FBXL2: variants seen among roughly 807,000 people sequenced by gnomAD.
FBXL2 encodes F-box/LRR-repeat protein 2.
A neutral mutation model predicts 69.2 loss-of-function variants in FBXL2; 38 were observed. The ratio of observed to expected loss-of-function variants is 0.55; its 90% CI spans 0.42 to 0.72. FBXL2 has a LOEUF of 0.72. FBXL2 is among the 30% of genes least tolerant of loss of function. FBXL2 has a pLI of 0.00. For missense variants in FBXL2, 354 were observed against 520.3 expected, an observed-to-expected ratio of 0.68 and a Z score of 3.11; for synonymous variants, 192 against 201.3, an observed-to-expected ratio of 0.95 and a Z score of 0.39.
chr3:33,378,715 A>G lies in FBXL2; in HGVS notation c.925A>G (p.Ile309Val), dbSNP rs111355182. 6.2e-7 allele frequency: 1 copy of G among 1,614,042 alleles called. No homozygotes were observed. The highest frequency in any genetic ancestry group is 8.5e-7 in the Non-Finnish European group (1 of 1,179,974). ...CGACAGCACACTCATCCAGCTCTCC[A>G]TTCACTGTCCTAAACTGCAAGCCCT... Reference protein sequence around the residue: ...ITDSTLIQLSIHCPKLQALSL... With the variant: ...ITDSTLIQLSVHCPKLQALSL... Residue 309 changes from isoleucine (I) to valine (V), a missense_variant, in exon 13 of 15, where the codon ATT becomes GTT. Transcript: ENST00000484457.
At chr3:33,303,008 A>T (rs1000326269) in intron 2 of FBXL2, 1 of 455,766 alleles carries the variant, frequency 2.2e-6, no homozygotes, top group South Asian at 1.6e-5. Context: ...CAAGCAGTAC[A>T]GTAAAGGGCT....
At chr3:33,353,139 G>A (rs916566035) in intron 2 of FBXL2, among the ~76,000 whole-genome samples, 6 of 152,118 alleles carry the variant, frequency 3.9e-5, no homozygotes, top group Admixed American at 6.5e-5. Flanking sequence ...CAAAATGGTG[G>A]TAAGATGCAG....
intron 1 of FBXL2, among the ~76,000 whole-genome samples, chr3:33,282,803 G>T (rs542220912): frequency 6.2e-4 from 94 of 152,192 alleles, no homozygotes; most frequent in African/African-American, 1.2e-3. Flanking sequence ...TATTCTCTTT[G>T]AAACAATTGT....
At chr3:33,389,389 CAAT>C (rs1239956588), downstream of FBXL2, 1 of 134,906 alleles carries the variant, frequency 7.4e-6, no homozygotes, top group African/African-American at 2.8e-5. Flanking sequence ...AAGCTATCAA[CAAT>C]AATACTTTCT....
chr3:33,346,025 G>A (rs1255457677), intron 2 of FBXL2, among the ~76,000 whole-genome samples: 3 of 152,056 alleles, frequency 2.0e-5, no homozygotes, highest in African/African-American at 7.2e-5. Context: ...TCAGGAGTTT[G>A]AGACCAGCCT....
At chr3:33,317,699 C>G in intron 2 of FBXL2, 1 of 329,396 alleles carries the variant, frequency 3.0e-6, no homozygotes, top group Non-Finnish European at 6.0e-6. Flanking sequence ...ACTTTTAACT[C>G]CAGCCTCAGA....
intron 1 of FBXL2, among the ~76,000 whole-genome samples, chr3:33,294,170 C>T (rs1028872494): frequency 6.6e-6 from 1 of 152,132 alleles, no homozygotes; most frequent in Non-Finnish European, 1.5e-5. Flanking sequence ...GGTCATAGCT[C>T]ACTGTGGGCT....
chr3:33,277,559 C>G (rs2033412224), intron 1 of FBXL2, 44 bp downstream of exon 1: 1 of 1,264,406 alleles, frequency 7.9e-7, no homozygotes, highest in Non-Finnish European at 1.0e-6. Context: ...CGCCCTACCC[C>G]TACCGGGCTG....
Position 33,373,598 on chromosome 3 carries a change from A to C in FBXL2, c.476A>C (p.Glu159Ala). Residue 159 changes from glutamate (E) to alanine (A), a missense_variant, in exon 8 of 15, where the codon GAG becomes GCG. Coordinates refer to ENST00000484457, the MANE Select transcript of FBXL2 (RefSeq NM_012157.5). ...KGISEGCRNL[E>A]YLNLSWCDQI... is the part of the protein sequence containing the mutation. Reference sequence around the variant, plus strand: ...CTCAGTGAGGGCTGCCGAAACCTGGAGTACCTGAACCTCTCTTGGTGTGAT... The same window carrying C: ...CTCAGTGAGGGCTGCCGAAACCTGGCGTACCTGAACCTCTCTTGGTGTGAT... 1 of 1,614,178 alleles carries C rather than the reference A, an allele frequency of 6.2e-7. No homozygotes were observed. Among genetic ancestry groups the C allele is most frequent in the Non-Finnish European group, 8.5e-7 (1 of 1,180,032 alleles).
intron 2 of FBXL2, among the ~76,000 whole-genome samples, chr3:33,334,277 A>T (rs1212113553): frequency 6.6e-6 from 1 of 152,226 alleles, no homozygotes; most frequent in Non-Finnish European, 1.5e-5. Flanking sequence ...AACATCTGTG[A>T]CAAATATGTT....
chr3:33,350,110 A>G (rs141164612), intron 2 of FBXL2, among the ~76,000 whole-genome samples: 3 of 152,328 alleles, frequency 2.0e-5, no homozygotes, highest in Non-Finnish European at 4.4e-5. Context: ...CTCAAGACCA[A>G]CATTTTTCAT....
At chr3:33,409,195 C>T in the FBXL2 span, 7 of 1,590,896 alleles carry the variant, frequency 4.4e-6, no homozygotes, top group South Asian at 7.8e-5. Flanking sequence ...TAATATGCAA[C>T]CTTTGCTTCT....
chr3:33,393,348 C>T, intron 12 of FBXL2: 1 of 1,611,330 alleles, frequency 6.2e-7, no homozygotes, highest in Non-Finnish European at 8.5e-7. Context: ...CGGTGGGACC[C>T]TGTCTGTAAA....
intron 2 of FBXL2, among the ~76,000 whole-genome samples, chr3:33,347,707 A>T (rs2040547440): frequency 6.6e-6 from 1 of 152,086 alleles, no homozygotes; most frequent in Admixed American, 6.5e-5. Context: ...TTTGGATATA[A>T]GTCATTTTAA....
chr3:33,361,268 C>T (rs769335243), intron 4 of FBXL2, among the ~76,000 whole-genome samples: 3 of 151,952 alleles, frequency 2.0e-5, no homozygotes, highest in Non-Finnish European at 4.4e-5. Context: ...CTGTGGGAGG[C>T]CATGGCGGGC....
At chr3:33,350,625 G>A (rs2040764054) in intron 2 of FBXL2, among the ~76,000 whole-genome samples, 1 of 151,836 alleles carries the variant, frequency 6.6e-6, no homozygotes, top group Admixed American at 6.6e-5. Flanking sequence ...TAGTAGAGAT[G>A]GGGTTTCAAC....
chr3:33,383,426 A>G (rs72852053), intron 13 of FBXL2: 6,531 of 155,850 alleles, frequency 0.042, 181 homozygotes, highest in Admixed American at 0.069. Context: ...TTTTGCAACC[A>G]TTACTGTTTA....
At chr3:33,407,948 AT>A (rs2044470877), downstream of FBXL2, among the ~76,000 whole-genome samples, 1 of 152,220 alleles carries the variant, frequency 6.6e-6, no homozygotes, top group African/African-American at 2.4e-5. Flanking sequence ...GAGTCATGTC[AT>A]AAAATAAAGA....
At chr3:33,370,876 C>G (rs1200505067) in intron 5 of FBXL2, among the ~76,000 whole-genome samples, 1 of 152,142 alleles carries the variant, frequency 6.6e-6, no homozygotes, top group Non-Finnish European at 1.5e-5. Context: ...TTCCTTGGGT[C>G]TATGGGTTTA....
Sources: gnomAD v4.1 joint callset for allele counts (sites outside exome capture counted in the v4.1 genomes callset) on GRCh38, gnomAD v4.1.1 for gene constraint, MANE v1.5 for transcripts, NCBI Gene and HGNC (gene_info 2026-07-23, HGNC 2026-07-21) for gene names.